Variants in KLRF1 observed in about 807,000 individuals in gnomAD.
The protein encoded by KLRF1 is killer cell lectin-like receptor subfamily F member 1.
In KLRF1, 27 loss-of-function variants were observed where a neutral mutation model predicts 30.7. The observed-to-expected ratio is 0.88, with a 90% CI of 0.65 to 1.21. KLRF1 has a LOEUF of 1.21. KLRF1 is among the 50% of genes most tolerant of loss of function. The pLI, the probability that KLRF1 is intolerant of heterozygous loss-of-function variation, is 0.00. For missense variants in KLRF1, 246 were observed against 259.3 expected, an observed-to-expected ratio of 0.95 and a Z score of 0.35; for synonymous variants, 92 against 89.3, an observed-to-expected ratio of 1.03 and a Z score of -0.17.
intron 1 of KLRF1, among the ~76,000 whole-genome samples, chr12:9,828,215 G>A (rs976089858): frequency 1.3e-5 from 2 of 151,844 alleles, no homozygotes; most frequent in African/African-American, 4.8e-5. Context: ...GAGTAGCTGA[G>A]ATTATAGGTG....
chr12:9,835,644 C>G (rs1369559227), intron 3 of KLRF1, among the ~76,000 whole-genome samples: 2 of 152,000 alleles, frequency 1.3e-5, no homozygotes, highest in African/African-American at 4.8e-5. Context: ...TAATACGGAG[C>G]TGGAAGGCTC....
rs1867629465 is a variant in KLRF1, at chr12:9,838,341, A to T, written c.335-3471A>T. Among the ~76,000 whole-genome samples, 7 of 152,074 alleles carry T rather than the reference A, an allele frequency of 4.6e-5. No individual in the cohort carries two copies. In the South Asian group the frequency reaches 1.4e-3, roughly 31 times the overall value. On this transcript the variant is annotated intron_variant, in intron 3 of 5. Coordinates refer to ENST00000617889, the MANE Select transcript of KLRF1 (RefSeq NM_016523.3). ...CAGGAAGCACTCATAAGTTAAAGTG[A>T]TTTTTCTGGGGGGGTGAATAGCTTT...
At chr12:9,838,487 G>T (rs1867632951) in intron 3 of KLRF1, among the ~76,000 whole-genome samples, 1 of 147,586 alleles carries the variant, frequency 6.8e-6, no homozygotes, top group South Asian at 2.1e-4. Context: ...TCCTTGAAAT[G>T]GACCTTCTCA....
At chr12:9,816,884 C>T in the KLRF1 span, among the ~76,000 whole-genome samples, 9 of 151,904 alleles carry the variant, frequency 5.9e-5, no homozygotes, top group Non-Finnish European at 8.8e-5. Flanking sequence ...ACACCATGCC[C>T]GGCTAATATT....
At chr12:9,842,624 G>C (rs1052010374) in intron 5 of KLRF1, among the ~76,000 whole-genome samples, 191 bp downstream of exon 5, 1 of 152,092 alleles carries the variant, frequency 6.6e-6, no homozygotes, top group African/African-American at 2.4e-5. Flanking sequence ...TTTGAAAATG[G>C]TGGTTTATGA....
chr12:9,812,059 A>T, the KLRF1 span, among the ~76,000 whole-genome samples: 1 of 152,166 alleles, frequency 6.6e-6, no homozygotes, highest in Admixed American at 6.5e-5. Context: ...ATTCATCAAT[A>T]AAGAATGTTT....
upstream of KLRF1, among the ~76,000 whole-genome samples, chr12:9,826,611 C>T (rs1455293879): frequency 6.6e-6 from 1 of 152,024 alleles, no homozygotes; most frequent in Non-Finnish European, 1.5e-5. Context: ...CAAAGACATG[C>T]AATCAACCTA....
chr12:9,818,847 T>TAGCCAACTAGAAGCCAACTAGAA, the KLRF1 span, among the ~76,000 whole-genome samples: 1 of 152,214 alleles, frequency 6.6e-6, no homozygotes, highest in Non-Finnish European at 1.5e-5. Flanking sequence ...GCAGCTAGTG[T>TAGCCAACTAGAAGCCAACTAGAA]GTGCTGTTCT....
chr12:9,804,239 G>T, the KLRF1 span, among the ~76,000 whole-genome samples: 1 of 151,438 alleles, frequency 6.6e-6, no homozygotes, highest in African/African-American at 2.4e-5. Context: ...ATGTCTTCTT[G>T]GGAGAAATGT....
At chr12:9,802,502 G>T in the KLRF1 span, among the ~76,000 whole-genome samples, 30 of 152,110 alleles carry the variant, frequency 2.0e-4, no homozygotes, top group African/African-American at 6.5e-4. Flanking sequence ...TCAGGCAAGA[G>T]AAAGAAATAA....
chr12:9,805,842 T>C, the KLRF1 span, among the ~76,000 whole-genome samples: 1 of 152,066 alleles, frequency 6.6e-6, no homozygotes, highest in Admixed American at 6.5e-5. Context: ...TTTTTTTGTC[T>C]TTTTAAAGTT....
chr12:9,820,616 A>C, the KLRF1 span, among the ~76,000 whole-genome samples: 1 of 152,080 alleles, frequency 6.6e-6, no homozygotes. Context: ...TGTTCTCCAC[A>C]CACATGCTGG....
At chr12:9,827,860 A>G (rs1256680292) in intron 1 of KLRF1, among the ~76,000 whole-genome samples, 2 of 152,130 alleles carry the variant, frequency 1.3e-5, no homozygotes, top group African/African-American at 2.4e-5. Flanking sequence ...TGTTTTATCT[A>G]TGTTCCTTCA....
At chr12:9,838,149 G>A (rs1378905568) in intron 3 of KLRF1, among the ~76,000 whole-genome samples, 5 of 152,198 alleles carry the variant, frequency 3.3e-5, no homozygotes, top group South Asian at 2.1e-4. Context: ...ATCCATGAAC[G>A]GCAGGATCCT....
the KLRF1 span, among the ~76,000 whole-genome samples, chr12:9,807,762 C>T: frequency 1.4e-3 from 209 of 151,844 alleles, 1 homozygote; most frequent in African/African-American, 4.9e-3. Context: ...TACTTTTTTG[C>T]GGGGAGGGGT....
chr12:9,815,181 AT>A, the KLRF1 span, among the ~76,000 whole-genome samples: 3 of 152,254 alleles, frequency 2.0e-5, no homozygotes, highest in Admixed American at 1.3e-4. Context: ...CTTATAAATC[AT>A]GATGATAACA....
chr12:9,823,826 A>G (rs1867252902), upstream of KLRF1, among the ~76,000 whole-genome samples: 1 of 152,158 alleles, frequency 6.6e-6, no homozygotes, highest in Admixed American at 6.6e-5. Context: ...TGAAATATAA[A>G]TAACCATCAA....
the KLRF1 span, among the ~76,000 whole-genome samples, chr12:9,809,889 G>A: frequency 8.0e-4 from 121 of 152,034 alleles, no homozygotes; most frequent in African/African-American, 2.7e-3. Flanking sequence ...ATGGATTAAT[G>A]TATCAAACAA....
chr12:9,802,058 C>G, the KLRF1 span, among the ~76,000 whole-genome samples: 2 of 152,024 alleles, frequency 1.3e-5, no homozygotes, highest in East Asian at 3.9e-4. Context: ...AGGTCAATAT[C>G]CCTGATGAAC....
Sources: allele counts gnomAD v4.1 joint callset (sites outside exome capture counted in the v4.1 genomes callset), GRCh38; gene constraint gnomAD v4.1.1; transcripts MANE v1.5; gene names NCBI Gene and HGNC (gene_info 2026-07-23, HGNC 2026-07-21).